Variants in PSD3 observed in about 807,000 individuals in gnomAD.
PSD3 encodes the protein pleckstrin and Sec7 domain containing 3.
PSD3 carries 49 observed loss-of-function variants against 105.5 expected under a neutral mutation model. The observed-to-expected ratio is 0.46, with a 90% confidence interval of 0.37 to 0.59. The LOEUF is 0.59. Among genes scored for constraint, PSD3 ranks in the 20% least tolerant of loss-of-function variants. The pLI, the probability that PSD3 is intolerant of heterozygous loss-of-function variation, is 0.00. For synonymous variants in PSD3, 557 were observed against 457.8 expected (o/e 1.22, Z -2.77); for missense variants, 1,561 against 1,263.8 (o/e 1.24, Z -3.57).
At chr8:18,738,222 C>A (rs1394672703) in intron 9 of PSD3, among the ~76,000 whole-genome samples, 1 of 152,076 alleles carries the variant, frequency 6.6e-6, no homozygotes, top group Non-Finnish European at 1.5e-5. Flanking sequence ...AAATTAGAGG[C>A]CTCCTGGCAG....
At position 19,040,908 on chromosome 8, in the gene PSD3, T is replaced by C. The variant is rs76091463; in HGVS notation, c.324+43298A>G. 4.7e-3 allele frequency among the ~76,000 whole-genome samples: 711 copies of C among 152,170 alleles called. 7 individuals are homozygous for C. The highest frequency in any genetic ancestry group is 0.016 in the African/African-American group (680 of 41,512). On this transcript the variant is annotated intron_variant, in intron 1 of 1. Transcript: ENST00000521475. The stretch of plus-strand genomic sequence containing the variant: ...ATTTTATTTTTATTTTATTTGTTTA[T>C]TTGAGACAGGGTCTCACTCTGTCAC...
At chr8:19,056,484 G>A (rs1005927005) in intron 1 of PSD3, among the ~76,000 whole-genome samples, 8 of 152,182 alleles carry the variant, frequency 5.3e-5, no homozygotes, top group African/African-American at 1.9e-4. Context: ...AATCTAATTA[G>A]CATGAAAAAT....
chr8:18,680,166 A>C (rs1800300222), intron 9 of PSD3, among the ~76,000 whole-genome samples: 1 of 152,204 alleles, frequency 6.6e-6, no homozygotes, highest in South Asian at 2.1e-4. Context: ...TTTGACAAAT[A>C]TTTAGACTCA....
At chr8:19,015,020 T>C (rs1000570704), upstream of PSD3, among the ~76,000 whole-genome samples, 1 of 152,146 alleles carries the variant, frequency 6.6e-6, no homozygotes, top group African/African-American at 2.4e-5. Context: ...CCCCAGTCAC[T>C]TGGGCATTGA....
intron 9 of PSD3, among the ~76,000 whole-genome samples, chr8:18,724,954 A>G (rs1326855256): frequency 2.0e-5 from 3 of 152,228 alleles, no homozygotes; most frequent in Non-Finnish European, 4.4e-5. Context: ...AGTGGCTCAG[A>G]AAAGAAAGAA....
chr8:18,961,342 T>G (rs1443408528), intron 1 of PSD3, among the ~76,000 whole-genome samples: 1 of 152,198 alleles, frequency 6.6e-6, no homozygotes, highest in Non-Finnish European at 1.5e-5. Context: ...AGAAGGTTAC[T>G]AGTCAAGCTA....
intron 4 of PSD3, chr8:18,809,008 G>A: frequency 8.8e-7 from 1 of 1,139,898 alleles, no homozygotes; most frequent in Non-Finnish European, 1.2e-6. Flanking sequence ...AGAACACAAG[G>A]GCCACTGTCT....
chr8:18,727,551 A>C (rs867265954), intron 9 of PSD3, among the ~76,000 whole-genome samples: 2 of 137,628 alleles, frequency 1.5e-5, no homozygotes, highest in African/African-American at 5.5e-5. Flanking sequence ...AAAAAATCCA[A>C]ACACACACAC....
intron 1 of PSD3, among the ~76,000 whole-genome samples, chr8:18,949,252 T>A (rs1233355461): frequency 0.032 from 1,913 of 59,242 alleles, 85 homozygotes; most frequent in African/African-American, 0.068. Context: ...AAAATATATA[T>A]ATATATATAT....
intron 11 of PSD3, among the ~76,000 whole-genome samples, chr8:18,618,586 A>G (rs926086752): frequency 1.4e-5 from 2 of 141,052 alleles, no homozygotes; most frequent in Admixed American, 7.0e-5. Context: ...TGTAACTAAA[A>G]TAACAACTGG....
At chr8:18,640,476 G>A (rs781369573) in intron 10 of PSD3, among the ~76,000 whole-genome samples, 24 of 152,072 alleles carry the variant, frequency 1.6e-4, no homozygotes, top group African/African-American at 2.9e-4. Context: ...CAGGCTACTC[G>A]TGTGATATTA....
intron 15 of PSD3, among the ~76,000 whole-genome samples, chr8:18,543,378 G>A (rs1800257767): frequency 6.6e-6 from 1 of 152,090 alleles, no homozygotes; most frequent in South Asian, 2.1e-4. Flanking sequence ...ACTTTGGGAG[G>A]CCGAGGCAGG....
At chr8:18,675,572 G>A (rs551719707) in intron 9 of PSD3, among the ~76,000 whole-genome samples, 6 of 152,134 alleles carry the variant, frequency 3.9e-5, no homozygotes, top group East Asian at 3.9e-4. Context: ...CAGCCAGCCC[G>A]TTCAGAAAAA....
chr8:18,835,758 G>T (rs1288709032), intron 4 of PSD3, among the ~76,000 whole-genome samples: 1 of 152,174 alleles, frequency 6.6e-6, no homozygotes, highest in Admixed American at 6.5e-5. Context: ...AAAGGCAAAG[G>T]CCCCGAGGTG....
intron 1 of PSD3, among the ~76,000 whole-genome samples, chr8:19,081,353 A>G (rs958542892): frequency 6.6e-6 from 1 of 152,216 alleles, no homozygotes; most frequent in Non-Finnish European, 1.5e-5. Context: ...ACAGACCACC[A>G]GGCCTCAGGA....
intron 1 of PSD3, among the ~76,000 whole-genome samples, chr8:18,969,871 A>T (rs538744756): frequency 1.6e-4 from 23 of 145,484 alleles, no homozygotes; most frequent in African/African-American, 2.9e-4. Flanking sequence ...ATAAATATTT[A>T]AAAAAAAATC....
At chr8:18,883,763 G>A (rs1362680665) in intron 2 of PSD3, among the ~76,000 whole-genome samples, 1 of 152,136 alleles carries the variant, frequency 6.6e-6, no homozygotes, top group Non-Finnish European at 1.5e-5. Flanking sequence ...AGATACTATG[G>A]AGAATGCACT....
At chr8:18,537,942 G>A (rs1799930985) in intron 15 of PSD3, among the ~76,000 whole-genome samples, 1 of 152,196 alleles carries the variant, frequency 6.6e-6, no homozygotes, top group African/African-American at 2.4e-5. Context: ...CTCCCAAAGT[G>A]CTGGGATTAC....
At chr8:18,686,119 G>T (rs1800649830) in intron 9 of PSD3, among the ~76,000 whole-genome samples, 1 of 152,232 alleles carries the variant, frequency 6.6e-6, no homozygotes, top group South Asian at 2.1e-4. Context: ...TTTCTGGGAG[G>T]TTTAGCAGAA....
Sources: gnomAD v4.1 joint callset for allele counts (sites outside exome capture counted in the v4.1 genomes callset) on GRCh38, gnomAD v4.1.1 for gene constraint, MANE v1.5 for transcripts, NCBI Gene and HGNC (gene_info 2026-07-23, HGNC 2026-07-21) for gene names.